Variants in ESYT2 observed in about 807,000 individuals in gnomAD.
The protein encoded by ESYT2 is extended synaptotagmin 2.
A neutral mutation model predicts 107.2 loss-of-function variants in ESYT2; 54 were observed. The observed-to-expected ratio is 0.50, with a 90% CI of 0.40 to 0.63. The LOEUF (loss-of-function observed/expected upper bound fraction) is 0.63. ESYT2 is among the 30% of genes least tolerant of loss of function. The pLI is 0.00. For missense variants in ESYT2, 1,020 were observed against 1,094.5 expected, an observed-to-expected ratio of 0.93 and a Z score of 0.96; for synonymous variants, 491 against 434.1, an observed-to-expected ratio of 1.13 and a Z score of -1.63.
rs1322983680 is a variant in ESYT2, at chr7:158,819,676, C to G, written c.330+9413G>C. Among the ~76,000 whole-genome samples, 3 of 152,152 alleles carry G rather than the reference C, an allele frequency of 2.0e-5. No homozygotes were observed. The East Asian group carries it at 5.8e-4, about 29-fold the overall frequency. ...AGGTAACGTTTTTCTTCTTTATTCTCCTCCAAAGCTTATTCTTCAATGAGC... is the reference window on the plus strand; with the variant it reads ...AGGTAACGTTTTTCTTCTTTATTCTGCTCCAAAGCTTATTCTTCAATGAGC... On this transcript the variant is annotated intron_variant, in intron 1 of 22. Transcript: ENST00000275418.
Position 158,768,824 on chromosome 7 carries a change from C to T in ESYT2, c.804-1050G>A, listed in dbSNP as rs78023830. ...TGGGAGGACTGTTTGAGCCCAGGAG[C>T]TAGAGACTAGCCTGGGCAACACAGA... On this transcript the variant is annotated intron_variant, in intron 7 of 22. Coordinates refer to ENST00000275418, the MANE Select transcript of ESYT2 (RefSeq NM_001367773.1). Among the ~76,000 whole-genome samples, 691 of 152,334 alleles carry T rather than the reference C, an allele frequency of 4.5e-3. 43 individuals are homozygous for T. The East Asian group carries it at 0.12, about 26-fold the overall frequency.
intron 15 of ESYT2, among the ~76,000 whole-genome samples, chr7:158,748,703 C>T (rs1184325357): frequency 4.1e-5 from 6 of 146,876 alleles, no homozygotes; most frequent in South Asian, 2.2e-4. Context: ...CAATTTCTTT[C>T]TTTTTTTTTT....
chr7:158,789,880 A>G (rs967431773), intron 4 of ESYT2, among the ~76,000 whole-genome samples: 1 of 152,172 alleles, frequency 6.6e-6, no homozygotes. Context: ...GATACTTGGC[A>G]TATGTTATGG....
chr7:158,781,610 TG>T (rs1266793645), intron 6 of ESYT2, among the ~76,000 whole-genome samples: 1 of 127,344 alleles, frequency 7.9e-6, no homozygotes, highest in Non-Finnish European at 1.8e-5. Context: ...CGAGAACAAG[TG>T]TGAATGAACG....
At chr7:158,739,259 A>G (rs1047765053) in intron 18 of ESYT2, 138 bp from the exon 19 acceptor site, 2 of 667,170 alleles carry the variant, frequency 3.0e-6, no homozygotes, top group Admixed American at 6.3e-5. Flanking sequence ...CTTAAACATA[A>G]TTTGAAACTT....
At chr7:158,754,469 C>T (rs773864271) in intron 13 of ESYT2, among the ~76,000 whole-genome samples, 22 of 152,078 alleles carry the variant, frequency 1.4e-4, no homozygotes, top group Non-Finnish European at 2.9e-4. Flanking sequence ...CCTCAGCCTC[C>T]CAAAGTGCTG....
intron 22 of ESYT2, 39 bp downstream of exon 22, chr7:158,734,383 T>C: frequency 6.2e-7 from 1 of 1,612,872 alleles, no homozygotes; most frequent in Non-Finnish European, 8.5e-7. Context: ...CGTTTTTAGC[T>C]ACACACTGGG....
At chr7:158,774,009 G>A (rs1211662979) in intron 6 of ESYT2, among the ~76,000 whole-genome samples, 1 of 152,194 alleles carries the variant, frequency 6.6e-6, no homozygotes, top group Admixed American at 6.5e-5. Flanking sequence ...TTCAACATCT[G>A]TGTTTATCTT....
chr7:158,828,054 C>G, intron 1 of ESYT2, among the ~76,000 whole-genome samples: 1 of 152,236 alleles, frequency 6.6e-6, no homozygotes, highest in East Asian at 1.9e-4. Context: ...CTGCCACACA[C>G]ACACACATTC....
chr7:158,791,281 G>A (rs974663482), intron 4 of ESYT2, among the ~76,000 whole-genome samples: 1 of 152,178 alleles, frequency 6.6e-6, no homozygotes, highest in Admixed American at 6.5e-5. Flanking sequence ...CAGGAGTCCC[G>A]TGTTTCTAAG....
chr7:158,788,315 CAAATT>C (rs1225595612), intron 5 of ESYT2, 25 bp downstream of exon 5: 11 of 1,573,434 alleles, frequency 7.0e-6, no homozygotes, highest in Non-Finnish European at 9.5e-6. Flanking sequence ...AGAAAACTGT[CAAATT>C]AAAACAAAAA....
At chr7:158,817,475 G>A (rs1407154682) in intron 1 of ESYT2, among the ~76,000 whole-genome samples, 1 of 152,198 alleles carries the variant, frequency 6.6e-6, no homozygotes, top group Non-Finnish European at 1.5e-5. Flanking sequence ...CCTGCTTCCA[G>A]GTGTCCCACC....
chr7:158,748,859 A>G (rs1170395691), intron 15 of ESYT2, among the ~76,000 whole-genome samples: 1 of 151,968 alleles, frequency 6.6e-6, no homozygotes, highest in Non-Finnish European at 1.5e-5. Context: ...AGCTGGGATT[A>G]CAGGCACGTG....
Position 158,737,057 on chromosome 7 carries a change from A to G in ESYT2, c.2390T>C (p.Phe797Ser). ...GGATAAAATACCGTACCTTTGATCA[A>G]ACACTGGATTTAATGTTTTCTTTGA... Reference protein sequence around the residue: ...HVSKKTLNPVFDQSFDFSVSL... With the variant: ...HVSKKTLNPVSDQSFDFSVSL... The change falls in exon 20 of 23, where the codon TTT (phenylalanine) becomes TCT (serine). Residue 797 changes from phenylalanine to serine, a missense_variant. Coordinates refer to ENST00000275418, the MANE Select transcript of ESYT2 (RefSeq NM_001367773.1). 6.2e-7 allele frequency: 1 copy of G among 1,613,402 alleles called. No individual in the cohort carries two copies. Among genetic ancestry groups the G allele is most frequent in the Non-Finnish European group, 8.5e-7 (1 of 1,179,466 alleles).
intron 15 of ESYT2, among the ~76,000 whole-genome samples, 175 bp from the exon 16 acceptor site, chr7:158,748,455 T>C (rs1215270502): frequency 6.6e-6 from 1 of 152,182 alleles, no homozygotes; most frequent in Non-Finnish European, 1.5e-5. Context: ...GTATGCACTA[T>C]TATGTATTGA....
chr7:158,751,925 T>C (rs1381067574), intron 14 of ESYT2, among the ~76,000 whole-genome samples: 1 of 152,086 alleles, frequency 6.6e-6, no homozygotes, highest in Non-Finnish European at 1.5e-5. Context: ...TCCACAGGAG[T>C]AACCCCTAGT....
intron 1 of ESYT2, among the ~76,000 whole-genome samples, chr7:158,826,203 A>G (rs747247176): frequency 2.6e-5 from 4 of 152,232 alleles, no homozygotes; most frequent in Non-Finnish European, 5.9e-5. Context: ...AAAATAAAGT[A>G]TATTACACTT....
At position 158,739,103 on chromosome 7, in the gene ESYT2, C is replaced by A; in HGVS notation, c.2187G>T (p.Gln729His). ...TCAGCTGGATCTGCCCCAGTGGAGA[C>A]TGTCCCAGGGTCGTCCCGCTGTGGG... ...RQLENGTTLG[Q>H]SPLGQIQLTI... Residue 729 changes from glutamine (Q) to histidine (H), a missense_variant, in exon 19 of 23, where the codon CAG becomes CAT. Transcript: ENST00000275418. The A allele has an allele frequency of 7.4e-6, 12 of 1,614,112 alleles. No homozygotes were observed. The highest frequency in any genetic ancestry group is 1.0e-5 in the Non-Finnish European group (12 of 1,179,976).
chr7:158,752,909 G>T, intron 13 of ESYT2, 66 bp from the exon 14 acceptor site: 1 of 1,061,302 alleles, frequency 9.4e-7, no homozygotes, highest in Non-Finnish European at 1.3e-6. Flanking sequence ...TTTATGTAAG[G>T]TTAAAGACAT....
Sources: gnomAD v4.1 joint callset for allele counts (sites outside exome capture counted in the v4.1 genomes callset) on GRCh38, gnomAD v4.1.1 for gene constraint, MANE v1.5 for transcripts, NCBI Gene and HGNC (gene_info 2026-07-23, HGNC 2026-07-21) for gene names.